ADGRL3: variants seen among roughly 807,000 people sequenced by gnomAD.
ADGRL3 encodes the protein adhesion G protein-coupled receptor L3.
ADGRL3 carries 62 observed loss-of-function variants against 153.5 expected under a neutral mutation model. The ratio of observed to expected loss-of-function variants is 0.40; its 90% CI spans 0.33 to 0.50. ADGRL3 has a LOEUF of 0.50. Ranked by LOEUF, ADGRL3 falls within the 20% of genes least tolerant of loss-of-function variation. The pLI is 0.47. For missense variants in ADGRL3, 1,641 were observed against 1,859.4 expected (o/e 0.88, Z 2.16); for synonymous variants, 710 against 672.5 (o/e 1.06, Z -0.86).
chr4:61,730,321 T>C (rs886405370), intron 6 of ADGRL3, among the ~76,000 whole-genome samples: 2 of 151,988 alleles, frequency 1.3e-5, no homozygotes, highest in African/African-American at 4.8e-5. Context: ...GTTCTTATTA[T>C]GAATATTGCA....
At position 61,494,292 on chromosome 4, in the gene ADGRL3, G is replaced by T. The variant is rs1219118480; in HGVS notation, c.-173-2829G>T. ...TATTTTTGTGTATGCACGTGTATGTGTATCTGTATGTGTGTGTATACATAC... is the reference window on the plus strand; with the variant it reads ...TATTTTTGTGTATGCACGTGTATGTTTATCTGTATGTGTGTGTATACATAC... On this transcript the variant is annotated intron_variant, in intron 2 of 26. Coordinates refer to ENST00000683033, the MANE Select transcript of ADGRL3 (RefSeq NM_001387552.1). Among the ~76,000 whole-genome samples the T allele has an allele frequency of 3.3e-5, 5 of 151,974 alleles. No individual in the cohort carries two copies. In the East Asian group the frequency reaches 9.6e-4, roughly 29 times the overall value.
chr4:61,783,384 A>T (rs955506000), intron 8 of ADGRL3, among the ~76,000 whole-genome samples: 41 of 152,238 alleles, frequency 2.7e-4, no homozygotes, highest in African/African-American at 9.9e-4. Context: ...TTTAATGAAA[A>T]AAGGGTGTTT....
intron 4 of ADGRL3, among the ~76,000 whole-genome samples, chr4:61,535,815 G>A (rs747923368): frequency 1.4e-4 from 21 of 151,694 alleles, no homozygotes; most frequent in Middle Eastern, 3.4e-3. Context: ...TAATCTAGCT[G>A]GCATCTATCA....
intron 3 of ADGRL3, among the ~76,000 whole-genome samples, chr4:61,500,756 C>G (rs1008692421): frequency 6.6e-5 from 10 of 152,136 alleles, no homozygotes; most frequent in African/African-American, 1.9e-4. Context: ...TTTTAGTTCA[C>G]TTAATATTCA....
rs181378126 is a variant in ADGRL3, at chr4:62,058,610, T to A, written c.3815-9556T>A. Reference sequence around the variant, plus strand: ...GAACATTCTTTTCACATATGTAATATTGTAACTATCTCGTCCTCCCTGAGC... The same window carrying A: ...GAACATTCTTTTCACATATGTAATAATGTAACTATCTCGTCCTCCCTGAGC... On this transcript the variant is annotated intron_variant, in intron 25 of 26. Transcript: ENST00000683033. 2.7e-4 allele frequency among the ~76,000 whole-genome samples: 41 copies of A among 152,268 alleles called. No homozygotes were observed. In the East Asian group the frequency reaches 5.8e-3, roughly 22 times the overall value.
At chr4:61,402,507 A>C (rs545363053) in intron 2 of ADGRL3, among the ~76,000 whole-genome samples, 1 of 152,222 alleles carries the variant, frequency 6.6e-6, no homozygotes, top group Admixed American at 6.6e-5. Context: ...AGATCAACTT[A>C]AAAATGTTAA....
At chr4:61,364,993 AG>A (rs1293338617) in intron 1 of ADGRL3, among the ~76,000 whole-genome samples, 1 of 152,188 alleles carries the variant, frequency 6.6e-6, no homozygotes, top group African/African-American at 2.4e-5. Context: ...GAATTTCTAG[AG>A]GGATCATTAA....
intron 4 of ADGRL3, among the ~76,000 whole-genome samples, chr4:61,518,526 G>C (rs571288118): frequency 1.5e-4 from 23 of 152,338 alleles, no homozygotes; most frequent in African/African-American, 5.3e-4. Flanking sequence ...ACCTAAGGGA[G>C]GTGCATCATT....
At chr4:61,963,250 T>TG in intron 17 of ADGRL3, among the ~76,000 whole-genome samples, 1 of 150,374 alleles carries the variant, frequency 6.7e-6, no homozygotes, top group East Asian at 1.9e-4. Context: ...ACTATGACTA[T>TG]TTTTTTTTTC....
chr4:61,655,842 C>G (rs182203648), intron 5 of ADGRL3, among the ~76,000 whole-genome samples: 1 of 152,016 alleles, frequency 6.6e-6, no homozygotes, highest in Admixed American at 6.6e-5. Flanking sequence ...TTAATTCAAA[C>G]GAAACAAATA....
chr4:61,510,310 G>A (rs1272413756), intron 3 of ADGRL3, among the ~76,000 whole-genome samples: 2 of 151,992 alleles, frequency 1.3e-5, no homozygotes, highest in African/African-American at 2.4e-5. Flanking sequence ...TTGTTTTTGA[G>A]GACAGTCATA....
At chr4:61,821,178 C>A (rs2097751955) in intron 9 of ADGRL3, among the ~76,000 whole-genome samples, 1 of 127,322 alleles carries the variant, frequency 7.9e-6, no homozygotes, top group Non-Finnish European at 1.6e-5. Flanking sequence ...AGACAAATTC[C>A]TGCCAATTAC....
chr4:61,738,074 T>C (rs544653040), intron 8 of ADGRL3, among the ~76,000 whole-genome samples: 1 of 152,108 alleles, frequency 6.6e-6, no homozygotes, highest in African/African-American at 2.4e-5. Context: ...TTATCCCTCA[T>C]CCCCTCCCAC....
chr4:61,203,593 A>G (rs962193117), intron 1 of ADGRL3, among the ~76,000 whole-genome samples: 1 of 152,228 alleles, frequency 6.6e-6, no homozygotes, highest in Non-Finnish European at 1.5e-5. Context: ...TTAGTGTCAT[A>G]TGGGCTTTCA....
chr4:61,745,967 C>T (rs894494199), intron 8 of ADGRL3, among the ~76,000 whole-genome samples: 2 of 152,124 alleles, frequency 1.3e-5, no homozygotes, highest in Non-Finnish European at 2.9e-5. Context: ...GGAAACTCAT[C>T]GCACATGCAG....
rs910947536 is a variant in ADGRL3 at position 61,489,757 on chromosome 4, C to A, written c.-173-7364C>A. Among the ~76,000 whole-genome samples the A allele has an allele frequency of 9.2e-5, 14 of 151,814 alleles. 2 individuals are homozygous for A. In the South Asian group the frequency reaches 1.7e-3, roughly 18 times the overall value. ...TTGATTCAGGCTCCTCATATCAAAC[C>A]AAAGATATTTAAAAAATTGAATTTG... On this transcript the variant is annotated intron_variant, in intron 2 of 26. Transcript: ENST00000683033.
At chr4:61,384,070 A>G (rs947896355) in intron 2 of ADGRL3, among the ~76,000 whole-genome samples, 3 of 151,910 alleles carry the variant, frequency 2.0e-5, no homozygotes, top group Admixed American at 2.0e-4. Flanking sequence ...TTTAATTGCT[A>G]TCATCTATTT....
chr4:61,347,365 G>A (rs2095940851), intron 1 of ADGRL3, among the ~76,000 whole-genome samples: 1 of 151,334 alleles, frequency 6.6e-6, no homozygotes, highest in Non-Finnish European at 1.5e-5. Context: ...AGCTCTTTTA[G>A]GCCAGCAGGT....
At chr4:61,372,600 C>A (rs1285219406) in intron 1 of ADGRL3, among the ~76,000 whole-genome samples, 1 of 152,190 alleles carries the variant, frequency 6.6e-6, no homozygotes, top group Admixed American at 6.5e-5. Context: ...AGATCTCCAG[C>A]TGCGTGCTGG....
Sources: allele counts gnomAD v4.1 joint callset (sites outside exome capture counted in the v4.1 genomes callset), GRCh38; gene constraint gnomAD v4.1.1; transcripts MANE v1.5; gene names NCBI Gene and HGNC (gene_info 2026-07-23, HGNC 2026-07-21).